The following SNTG1 variants were observed in gnomAD, a reference collection of about 807,000 sequenced individuals.
SNTG1 encodes the protein gamma-1-syntrophin.
SNTG1 carries 39 observed loss-of-function variants against 74.7 expected under a neutral mutation model. The ratio of observed to expected loss-of-function variants is 0.52; its 90% CI spans 0.40 to 0.68. The LOEUF is 0.68. SNTG1 is among the 30% of genes least tolerant of loss of function. SNTG1 has a pLI of 0.00. For missense variants in SNTG1, 685 were observed against 609.5 expected, an observed-to-expected ratio of 1.12 and a Z score of -1.30; for synonymous variants, 254 against 217.1, an observed-to-expected ratio of 1.17 and a Z score of -1.49.
intron 1 of SNTG1, among the ~76,000 whole-genome samples, chr8:49,970,725 T>C (rs16914117): frequency 0.048 from 7,372 of 152,258 alleles, 603 homozygotes; most frequent in African/African-American, 0.16. Context: ...CTGCAGCTAG[T>C]GAGACTGGCA....
chr8:50,183,352 T>G (rs2083274504), intron 2 of SNTG1, among the ~76,000 whole-genome samples: 1 of 152,192 alleles, frequency 6.6e-6, no homozygotes, highest in Non-Finnish European at 1.5e-5. Context: ...TGCATTTGTC[T>G]GCAGGTGCCC....
chr8:50,687,677 C>T (rs552627837), intron 15 of SNTG1, among the ~76,000 whole-genome samples: 7 of 152,302 alleles, frequency 4.6e-5, no homozygotes, highest in East Asian at 1.9e-4. Context: ...CCCGTTAACT[C>T]GTCATTAAGC....
intron 1 of SNTG1, among the ~76,000 whole-genome samples, chr8:49,951,297 T>C (rs1809673680): frequency 6.6e-6 from 1 of 152,168 alleles, no homozygotes; most frequent in Non-Finnish European, 1.5e-5. Context: ...GTAAAAATAA[T>C]CAGTGTTATT....
intron 15 of SNTG1, among the ~76,000 whole-genome samples, chr8:50,691,192 C>A (rs1002845737): frequency 2.0e-5 from 3 of 152,134 alleles, no homozygotes; most frequent in Admixed American, 1.3e-4. Context: ...TGGGTCTTGA[C>A]TCTTTATCCA....
intron 9 of SNTG1, among the ~76,000 whole-genome samples, chr8:50,512,550 T>C (rs2094090318): frequency 6.6e-6 from 1 of 152,148 alleles, no homozygotes. Flanking sequence ...CTTTCAGGTA[T>C]ATCAATCAGA....
chr8:50,156,598 T>A (rs2082262903), intron 1 of SNTG1, among the ~76,000 whole-genome samples: 1 of 151,988 alleles, frequency 6.6e-6, no homozygotes, highest in South Asian at 2.1e-4. Flanking sequence ...AAAATATAGG[T>A]TGGGATATGT....
chr8:50,143,007 G>C (rs957595293), intron 1 of SNTG1, among the ~76,000 whole-genome samples: 1 of 152,164 alleles, frequency 6.6e-6, no homozygotes, highest in South Asian at 2.1e-4. Context: ...CCAGGAGATG[G>C]ATGTTGCAAT....
chr8:50,560,719 G>C (rs1220646711), intron 12 of SNTG1, among the ~76,000 whole-genome samples: 1 of 152,114 alleles, frequency 6.6e-6, no homozygotes, highest in Non-Finnish European at 1.5e-5. Flanking sequence ...GCTGGTTGTT[G>C]TTGGAGGGGA....
chr8:50,161,143 A>T (rs1254042236), intron 1 of SNTG1, among the ~76,000 whole-genome samples: 2 of 152,226 alleles, frequency 1.3e-5, no homozygotes, highest in East Asian at 3.8e-4. Context: ...CCATGAAAGA[A>T]CTTATTGTTG....
intron 1 of SNTG1, among the ~76,000 whole-genome samples, chr8:50,116,476 A>G (rs1293626025): frequency 6.6e-6 from 1 of 151,970 alleles, no homozygotes; most frequent in African/African-American, 2.4e-5. Context: ...GGAATCCTTG[A>G]CTCTGTGTTG....
At chr8:50,638,080 T>C (rs2095050262) in intron 13 of SNTG1, among the ~76,000 whole-genome samples, 1 of 151,978 alleles carries the variant, frequency 6.6e-6, no homozygotes, top group African/African-American at 2.4e-5. Flanking sequence ...AAAAAGGAAG[T>C]TGGGTAGAGA....
intron 1 of SNTG1, among the ~76,000 whole-genome samples, chr8:50,149,412 A>C (rs1185425051): frequency 6.6e-6 from 1 of 152,024 alleles, no homozygotes; most frequent in Non-Finnish European, 1.5e-5. Context: ...CCCATTTGTC[A>C]ATTTTGGCTT....
chr8:50,002,679 A>G (rs1244148321), intron 1 of SNTG1, among the ~76,000 whole-genome samples: 1 of 152,170 alleles, frequency 6.6e-6, no homozygotes, highest in Non-Finnish European at 1.5e-5. Flanking sequence ...AATCAGGTTG[A>G]TATGAATGTT....
At chr8:50,124,683 A>G (rs1364180593) in intron 1 of SNTG1, among the ~76,000 whole-genome samples, 1 of 141,212 alleles carries the variant, frequency 7.1e-6, no homozygotes, top group African/African-American at 2.6e-5. Context: ...AAGACAGAAA[A>G]TGATCCTGTT....
In SNTG1 at chr8:50,493,544, C is replaced by T. The variant is rs17707807; in HGVS notation, c.364-9234C>T. Among the ~76,000 whole-genome samples the T allele has an allele frequency of 3.9e-3, 596 of 152,142 alleles. 3 individuals are homozygous for T. Among genetic ancestry groups the T allele is most frequent in the Non-Finnish European group, 6.1e-3 (412 of 67,970 alleles). On this transcript the variant is annotated intron_variant, in intron 8 of 18. Transcript: ENST00000642720. ...AGACTTCTGTATTTTGGGCACCTTC[C>T]TAATACGCTTTATCATTTAGCACTT...
chr8:50,690,707 A>T (rs2095374174), intron 15 of SNTG1, among the ~76,000 whole-genome samples: 1 of 152,176 alleles, frequency 6.6e-6, no homozygotes, highest in Non-Finnish European at 1.5e-5. Context: ...TGTGGTGCTG[A>T]AAAGAATGTA....
At chr8:49,930,300 A>G (rs1457611202) in intron 1 of SNTG1, among the ~76,000 whole-genome samples, 3 of 152,058 alleles carry the variant, frequency 2.0e-5, no homozygotes, top group African/African-American at 7.2e-5. Flanking sequence ...TTACATTTAT[A>G]TCAGTGAGGC....
intron 1 of SNTG1, among the ~76,000 whole-genome samples, chr8:50,149,849 T>C (rs1315896967): frequency 6.6e-6 from 1 of 152,178 alleles, no homozygotes. Context: ...TTTGTTCTTT[T>C]GGCTTAGGAT....
intron 15 of SNTG1, among the ~76,000 whole-genome samples, chr8:50,681,491 T>A (rs957684352): frequency 2.8e-4 from 42 of 152,328 alleles, no homozygotes; most frequent in African/African-American, 1.0e-3. Context: ...AGTTTAAAAC[T>A]ATTCATTGTT....
Sources: allele counts gnomAD v4.1 joint callset (sites outside exome capture counted in the v4.1 genomes callset), GRCh38; gene constraint gnomAD v4.1.1; transcripts MANE v1.5; gene names NCBI Gene and HGNC (gene_info 2026-07-23, HGNC 2026-07-21).